Variants in DNM3 observed in about 807,000 individuals in gnomAD.
DNM3 encodes the protein dynamin 3, also known as dynamin-3.
Under a neutral mutation model 101.6 loss-of-function variants are expected in DNM3, and 47 were observed. The ratio of observed to expected loss-of-function variants is 0.46; its 90% CI spans 0.37 to 0.59. The LOEUF (loss-of-function observed/expected upper bound fraction) is 0.59. Among genes scored for constraint, DNM3 ranks in the 20% least tolerant of loss-of-function variants. The probability of loss-of-function intolerance (pLI) is 0.00; values close to 1 mark genes in which losing one functional copy is unlikely to be tolerated. For synonymous variants in DNM3, 385 were observed against 387.9 expected (o/e 0.99, Z 0.09); for missense variants, 849 against 1,085.7 (o/e 0.78, Z 3.06).
At chr1:172,341,490 G>T (rs924081451) in intron 17 of DNM3, among the ~76,000 whole-genome samples, 2 of 152,120 alleles carry the variant, frequency 1.3e-5, no homozygotes, top group Admixed American at 1.3e-4. Flanking sequence ...AAGCTATACT[G>T]CAGGGCTACA....
chr1:172,021,691 A>G (rs2047863659), intron 4 of DNM3, among the ~76,000 whole-genome samples: 1 of 152,144 alleles, frequency 6.6e-6, no homozygotes, highest in Admixed American at 6.5e-5. Flanking sequence ...ACTTATCTCT[A>G]TATTATGTCA....
chr1:171,949,397 A>T (rs1340256335), intron 2 of DNM3, among the ~76,000 whole-genome samples: 3 of 152,050 alleles, frequency 2.0e-5, no homozygotes, highest in Non-Finnish European at 4.4e-5. Flanking sequence ...AAAAATTAAA[A>T]CCATAACCAG....
chr1:172,227,450 A>G (rs1431763678), intron 14 of DNM3, among the ~76,000 whole-genome samples: 1 of 151,882 alleles, frequency 6.6e-6, no homozygotes, highest in East Asian at 1.9e-4. Flanking sequence ...GTAGACACCC[A>G]GTAGTGGAAT....
At chr1:172,324,988 A>G (rs1483075969) in intron 17 of DNM3, among the ~76,000 whole-genome samples, 1 of 152,096 alleles carries the variant, frequency 6.6e-6, no homozygotes, top group Non-Finnish European at 1.5e-5. Context: ...TGTCTCTTTC[A>G]CTAGTGGATT....
intron 2 of DNM3, among the ~76,000 whole-genome samples, chr1:171,925,077 T>A (rs1438786924): frequency 1.3e-5 from 2 of 151,604 alleles, no homozygotes; most frequent in Non-Finnish European, 2.9e-5. Context: ...TTTTTTGTAT[T>A]TTTAGTAGAG....
intron 11 of DNM3, among the ~76,000 whole-genome samples, chr1:172,078,997 T>C (rs1422782654): frequency 6.6e-6 from 1 of 152,244 alleles, no homozygotes; most frequent in East Asian, 1.9e-4. Context: ...GCTGTTAGTC[T>C]GATGGGCTTC....
intron 14 of DNM3, among the ~76,000 whole-genome samples, chr1:172,247,095 G>A (rs989086653): frequency 6.6e-6 from 1 of 151,978 alleles, no homozygotes; most frequent in African/African-American, 2.4e-5. Context: ...ATGCACTACT[G>A]TCCTGTCTTT....
chr1:172,284,536 C>T (rs751734091), intron 15 of DNM3, among the ~76,000 whole-genome samples: 22 of 152,234 alleles, frequency 1.4e-4, no homozygotes, highest in Admixed American at 3.3e-4. Context: ...CCCTAAGGGC[C>T]TAGCACAATG....
intron 15 of DNM3, among the ~76,000 whole-genome samples, chr1:172,283,796 G>GAAAT (rs2063591416): frequency 8.0e-6 from 1 of 124,866 alleles, no homozygotes; most frequent in Admixed American, 8.1e-5. Context: ...AAGAAAGAAA[G>GAAAT]AAAACCAAGT....
chr1:171,991,967 A>G (rs150742687), intron 4 of DNM3, among the ~76,000 whole-genome samples: 2 of 152,280 alleles, frequency 1.3e-5, no homozygotes, highest in Admixed American at 1.3e-4. Context: ...CCTCTTTGAA[A>G]TTGTTTCTTT....
At chr1:172,032,306 A>G in intron 4 of DNM3, 96 bp from the exon 5 acceptor site, 2 of 893,008 alleles carry the variant, frequency 2.2e-6, no homozygotes, top group South Asian at 1.5e-5. Flanking sequence ...GAAAAGGACC[A>G]GGAAAATGTG....
chr1:172,312,818 A>T (rs966886813), intron 16 of DNM3, among the ~76,000 whole-genome samples: 2 of 152,248 alleles, frequency 1.3e-5, no homozygotes, highest in African/African-American at 4.8e-5. Context: ...TAAGATCTAC[A>T]GTGGATATCT....
intron 14 of DNM3, among the ~76,000 whole-genome samples, chr1:172,189,589 A>G (rs559915934): frequency 6.6e-6 from 1 of 152,168 alleles, no homozygotes; most frequent in African/African-American, 2.4e-5. Flanking sequence ...AGCATATCTA[A>G]GTATTTATGT....
intron 2 of DNM3, among the ~76,000 whole-genome samples, chr1:171,923,121 CA>C (rs1262933284): frequency 2.0e-5 from 3 of 152,174 alleles, no homozygotes; most frequent in Non-Finnish European, 2.9e-5. Flanking sequence ...AAGGAACTGA[CA>C]GACTGTTTTC....
chr1:171,928,595 C>T (rs4916411), intron 2 of DNM3, among the ~76,000 whole-genome samples: 40,289 of 151,932 alleles, frequency 0.27, 5,929 homozygotes, highest in Admixed American at 0.36. Flanking sequence ...CTTAGGTCAA[C>T]TGCAGCTTGC....
At chr1:172,128,478 A>T (rs1308772850) in intron 13 of DNM3, among the ~76,000 whole-genome samples, 1 of 152,242 alleles carries the variant, frequency 6.6e-6, no homozygotes, top group Non-Finnish European at 1.5e-5. Flanking sequence ...TGTAAGCTAC[A>T]TATGTAATTA....
chr1:172,105,406 G>C (rs2054939878), intron 13 of DNM3, among the ~76,000 whole-genome samples: 1 of 152,174 alleles, frequency 6.6e-6, no homozygotes, highest in Non-Finnish European at 1.5e-5. Flanking sequence ...CAGAATTCTG[G>C]CTTCAGTCCT....
intron 17 of DNM3, among the ~76,000 whole-genome samples, chr1:172,324,473 G>A (rs746700654): frequency 2.0e-5 from 3 of 152,104 alleles, no homozygotes; most frequent in Non-Finnish European, 4.4e-5. Flanking sequence ...TGATATAACT[G>A]CTTATAACCC....
chr1:172,286,706 T>C (rs895683415), intron 15 of DNM3, among the ~76,000 whole-genome samples: 1 of 152,176 alleles, frequency 6.6e-6, no homozygotes, highest in African/African-American at 2.4e-5. Context: ...TCCTCTTTAA[T>C]CCATCTGGAA....
Sources: gnomAD v4.1 joint callset for allele counts (sites outside exome capture counted in the v4.1 genomes callset) on GRCh38, gnomAD v4.1.1 for gene constraint, MANE v1.5 for transcripts, NCBI Gene and HGNC (gene_info 2026-07-23, HGNC 2026-07-21) for gene names.